The following KCNMA1 variants were observed in gnomAD, a reference collection of about 807,000 sequenced individuals.
KCNMA1 encodes potassium calcium-activated channel subfamily M alpha 1, also known as Calcium-activated potassium channel subunit alpha-1.
Under a neutral mutation model 140.0 loss-of-function variants are expected in KCNMA1, and 29 were observed. The ratio of observed to expected loss-of-function variants is 0.21; its 90% confidence interval spans 0.15 to 0.28. The LOEUF (loss-of-function observed/expected upper bound fraction) is 0.28, where lower values mean the gene tolerates loss of function less well. KCNMA1 is among the 10% of genes least tolerant of loss of function. KCNMA1 has a pLI of 1.00. For synonymous variants in KCNMA1, 612 were observed against 611.9 expected, an observed-to-expected ratio of 1.00 and a Z score of 0.00; for missense variants, 880 against 1,602.2, an observed-to-expected ratio of 0.55 and a Z score of 7.70.
intron 2 of KCNMA1, chr10:77,355,180 C>G (rs1196059968): frequency 6.4e-6 from 1 of 157,216 alleles, no homozygotes; most frequent in Non-Finnish European, 1.4e-5. Context: ...TAAAGAAGTG[C>G]CTTTCACCTC....
intron 1 of KCNMA1, among the ~76,000 whole-genome samples, chr10:77,497,734 G>A (rs142001041): frequency 3.3e-5 from 5 of 152,300 alleles, no homozygotes; most frequent in Admixed American, 3.3e-4. Context: ...ATCAAATCCA[G>A]TGCTCCCAGT....
At chr10:77,404,202 A>T (rs949247856) in intron 1 of KCNMA1, among the ~76,000 whole-genome samples, 179 bp from the exon 2 acceptor site, 27 of 152,218 alleles carry the variant, frequency 1.8e-4, no homozygotes, top group Non-Finnish European at 3.7e-4. Context: ...GCCTTTATTT[A>T]AAAAAGAATA....
intron 25 of KCNMA1, among the ~76,000 whole-genome samples, chr10:76,894,981 C>T (rs946967433): frequency 6.6e-6 from 1 of 152,178 alleles, no homozygotes; most frequent in Non-Finnish European, 1.5e-5. Flanking sequence ...AGAAATGAAA[C>T]CCACAAGCAG....
chr10:77,351,483 G>A (rs543824819), intron 2 of KCNMA1, among the ~76,000 whole-genome samples: 1 of 152,172 alleles, frequency 6.6e-6, no homozygotes, highest in African/African-American at 2.4e-5. Flanking sequence ...GGCTGGATAA[G>A]CCCATTTCAG....
intron 12 of KCNMA1, among the ~76,000 whole-genome samples, chr10:77,082,318 A>T (rs928004117): frequency 6.6e-6 from 1 of 151,870 alleles, no homozygotes; most frequent in South Asian, 2.1e-4. Context: ...TAAGCCACTG[A>T]GCCCCGCCCT....
At chr10:77,034,202 C>T (rs1303054124) in intron 15 of KCNMA1, among the ~76,000 whole-genome samples, 1 of 150,050 alleles carries the variant, frequency 6.7e-6, no homozygotes, top group Non-Finnish European at 1.5e-5. Flanking sequence ...TAAGATCACA[C>T]CACTGCACTC....
chr10:77,107,603 A>G (rs1460736203), intron 9 of KCNMA1, among the ~76,000 whole-genome samples: 1 of 152,226 alleles, frequency 6.6e-6, no homozygotes, highest in Admixed American at 6.5e-5. Context: ...GAACCTGCAC[A>G]TTGATATCGA....
At chr10:77,220,209 G>A (rs528689668) in intron 3 of KCNMA1, among the ~76,000 whole-genome samples, 7 of 152,292 alleles carry the variant, frequency 4.6e-5, no homozygotes, top group East Asian at 1.9e-4. Flanking sequence ...TCACTTAGCT[G>A]GTGAGTAATT....
At chr10:77,002,817 C>T (rs1441084602) in intron 18 of KCNMA1, among the ~76,000 whole-genome samples, 2 of 152,174 alleles carry the variant, frequency 1.3e-5, no homozygotes, top group Admixed American at 6.5e-5. Context: ...GCTTCTCTCA[C>T]GAGGTGGGAG....
intron 5 of KCNMA1, among the ~76,000 whole-genome samples, chr10:77,129,251 A>T (rs913635564): frequency 1.3e-5 from 2 of 152,226 alleles, no homozygotes; most frequent in Non-Finnish European, 2.9e-5. Context: ...AATCAAGAAG[A>T]TTCTAATGTA....
chr10:77,429,939 G>A (rs1315772033), intron 1 of KCNMA1, among the ~76,000 whole-genome samples: 2 of 152,078 alleles, frequency 1.3e-5, no homozygotes, highest in Non-Finnish European at 2.9e-5. Context: ...CTGAAGTCCT[G>A]ATTCCCAGTC....
chr10:76,947,562 T>C lies in KCNMA1; in HGVS notation c.2709+1580A>G, dbSNP rs181186888. On this transcript the variant is annotated intron_variant, in intron 22 of 27. Transcript: ENST00000286628. ...TGTGGAGGAGCACATGACAGAAAGA[T>C]AACCATGGAATCATATAATCAAATC... Among the ~76,000 whole-genome samples, 573 of 152,270 alleles carry C rather than the reference T, an allele frequency of 3.8e-3. 5 individuals carry two copies. The highest frequency in any genetic ancestry group is 0.013 in the African/African-American group (525 of 41,562).
At chr10:76,896,079 G>T (rs2042369325) in intron 25 of KCNMA1, among the ~76,000 whole-genome samples, 1 of 152,224 alleles carries the variant, frequency 6.6e-6, no homozygotes. Context: ...GGTCTGACTA[G>T]AATTTGCCGG....
chr10:77,023,468 A>G (rs2093084708), intron 16 of KCNMA1, among the ~76,000 whole-genome samples: 1 of 152,214 alleles, frequency 6.6e-6, no homozygotes, highest in South Asian at 2.1e-4. Flanking sequence ...TAACGTAGTA[A>G]TTATATTTGT....
intron 3 of KCNMA1, among the ~76,000 whole-genome samples, chr10:77,246,448 T>C (rs2058560522): frequency 6.6e-6 from 1 of 152,158 alleles, no homozygotes; most frequent in Middle Eastern, 3.2e-3. Flanking sequence ...TGCCCTCTCT[T>C]CCCTTTTGAA....
intron 19 of KCNMA1, among the ~76,000 whole-genome samples, chr10:76,987,577 A>G (rs546946027): frequency 2.6e-5 from 4 of 152,336 alleles, no homozygotes; most frequent in African/African-American, 9.6e-5. Context: ...TTTACTTACT[A>G]CAATGGATGG....
chr10:77,090,496 C>A lies in KCNMA1; in HGVS notation c.1238G>T (p.Cys413Phe). ...AVSGRKHIVV[C>F]GHITLESVSN... ...AACACTCTCCAGAGTGATGTGTCCG[C>A]AGACCACAATGTGCCTGAACAGGAG... Residue 413 changes from cysteine to phenylalanine, a missense_variant, in exon 10 of 28, where the codon TGC (cysteine) becomes TTC (phenylalanine). This residue lies in a region of KCNMA1 where 198 missense variants were observed against 580.1 expected (regional missense o/e 0.34). Transcript: ENST00000286628. 6.2e-7 allele frequency: 1 copy of A among 1,613,416 alleles called. No homozygotes were observed. The highest frequency in any genetic ancestry group is 8.5e-7 in the Non-Finnish European group (1 of 1,179,334).
intron 5 of KCNMA1, among the ~76,000 whole-genome samples, chr10:77,154,618 T>C (rs1346554052): frequency 1.3e-5 from 2 of 152,140 alleles, no homozygotes; most frequent in Non-Finnish European, 2.9e-5. Context: ...TACCTTAATA[T>C]GCAATGTCCA....
chr10:77,242,130 C>T (rs148961508), intron 3 of KCNMA1, among the ~76,000 whole-genome samples: 49 of 152,238 alleles, frequency 3.2e-4, no homozygotes, highest in African/African-American at 1.2e-3. Flanking sequence ...CAAAGCACGT[C>T]GCACACTGAC....
Sources: allele counts gnomAD v4.1 joint callset (sites outside exome capture counted in the v4.1 genomes callset), GRCh38; gene constraint gnomAD v4.1.1; regional missense constraint gnomAD v4.1.1; transcripts MANE v1.5; gene names NCBI Gene and HGNC (gene_info 2026-07-23, HGNC 2026-07-21).